Variants in FBXW7 observed in about 807,000 individuals in gnomAD.
The protein encoded by FBXW7 is F-box/WD repeat-containing protein 7.
Under a neutral mutation model 86.3 loss-of-function variants are expected in FBXW7, and 11 were observed. The observed-to-expected ratio is 0.13, with a 90% CI of 0.08 to 0.21. FBXW7 has a LOEUF of 0.21. Among genes scored for constraint, FBXW7 ranks in the 10% least tolerant of loss-of-function variants. FBXW7 has a pLI of 1.00. For synonymous variants in FBXW7, 313 were observed against 297.9 expected (o/e 1.05, Z -0.52); for missense variants, 488 against 847.4 (o/e 0.58, Z 5.27).
intron 4 of FBXW7, among the ~76,000 whole-genome samples, chr4:152,391,699 C>A (rs1301967800): frequency 6.6e-6 from 1 of 152,052 alleles, no homozygotes; most frequent in Admixed American, 6.6e-5. Context: ...AATCACCACG[C>A]CGAAACCCTG....
intron 2 of FBXW7, among the ~76,000 whole-genome samples, chr4:152,468,243 C>A (rs1409390117): frequency 6.6e-6 from 1 of 152,050 alleles, no homozygotes; most frequent in African/African-American, 2.4e-5. Flanking sequence ...AAGAGTTACA[C>A]ACAGGTACTA....
intron 2 of FBXW7, among the ~76,000 whole-genome samples, chr4:152,534,450 T>C (rs1468454324): frequency 1.3e-5 from 2 of 152,162 alleles, no homozygotes; most frequent in Non-Finnish European, 2.9e-5. Context: ...CCTGTACCAA[T>C]AGGTACTGAA....
chr4:152,388,161 GCTCA>G (rs1157106638), intron 4 of FBXW7, among the ~76,000 whole-genome samples: 1 of 151,990 alleles, frequency 6.6e-6, no homozygotes, highest in Non-Finnish European at 1.5e-5. Flanking sequence ...TGCTCAAAGT[GCTCA>G]CTCAGATTAC....
intron 2 of FBXW7, among the ~76,000 whole-genome samples, chr4:152,442,541 T>C (rs1579211234): frequency 6.6e-6 from 1 of 152,376 alleles, no homozygotes; most frequent in East Asian, 1.9e-4. Context: ...AAGTAATTTT[T>C]GGCTTCTCTG....
chr4:152,519,240 G>C (rs1748784764), intron 2 of FBXW7, among the ~76,000 whole-genome samples: 1 of 152,166 alleles, frequency 6.6e-6, no homozygotes, highest in African/African-American at 2.4e-5. Flanking sequence ...AGAGCTTGCA[G>C]TGAGCCAAGA....
intron 4 of FBXW7, among the ~76,000 whole-genome samples, chr4:152,378,926 C>A (rs1403825803): frequency 1.3e-5 from 2 of 152,050 alleles, no homozygotes; most frequent in Non-Finnish European, 2.9e-5. Flanking sequence ...GGATCTCTTG[C>A]ACCCAGGAGA....
intron 2 of FBXW7, among the ~76,000 whole-genome samples, chr4:152,417,215 C>T (rs1417488573): frequency 6.6e-6 from 1 of 152,120 alleles, no homozygotes. Flanking sequence ...CAAAGTCACA[C>T]CAAATTCATT....
intron 6 of FBXW7, among the ~76,000 whole-genome samples, chr4:152,343,533 T>C (rs1730948110): frequency 6.6e-6 from 1 of 152,192 alleles, no homozygotes; most frequent in East Asian, 1.9e-4. Flanking sequence ...GAAATTATTG[T>C]TTTTAAGAGA....
chr4:152,340,680 T>A (rs2859690), intron 6 of FBXW7, among the ~76,000 whole-genome samples: 1 of 152,160 alleles, frequency 6.6e-6, no homozygotes, highest in East Asian at 1.9e-4. Flanking sequence ...TCCTATCGTT[T>A]AAAATCACAT....
At chr4:152,441,188 T>C (rs924449664) in intron 2 of FBXW7, among the ~76,000 whole-genome samples, 2 of 152,208 alleles carry the variant, frequency 1.3e-5, no homozygotes, top group African/African-American at 2.4e-5. Flanking sequence ...GAGAGCTGTG[T>C]ACCTATCAAC....
chr4:152,325,665 T>C (rs929733643), intron 12 of FBXW7: 2 of 226,260 alleles, frequency 8.8e-6, no homozygotes, highest in Non-Finnish European at 1.8e-5. Context: ...CTTTTGGCCA[T>C]ATTAATCTTC....
Position 152,350,095 on chromosome 4 carries a change from C to T in FBXW7, c.531G>A (p.Glu177=), listed in dbSNP as rs1249998058. The change falls in exon 5 of 14, where the codon GAG becomes GAA. Residue 177 remains glutamate, a synonymous_variant. Transcript: ENST00000281708. ...KMKRKLDHGS[E]VRSFSLGKKP... ...TCTTTCCCAAAGAAAAAGAGCGGAC[C>T]TCAGAACCATGGTCCAACTTTCTTT... 2 of 1,564,466 alleles carry T rather than the reference C, an allele frequency of 1.3e-6. No individual in the cohort carries two copies. Among genetic ancestry groups the T allele is most frequent in the Non-Finnish European group, 1.7e-6 (2 of 1,150,522 alleles).
At chr4:152,352,714 C>T (rs758299505) in intron 4 of FBXW7, 5 of 1,613,668 alleles carry the variant, frequency 3.1e-6, no homozygotes, top group African/African-American at 1.3e-5. Flanking sequence ...TATCAAACCG[C>T]TTCTCGGGAC....
chr4:152,394,646 A>T (rs1031112805), intron 4 of FBXW7, among the ~76,000 whole-genome samples: 5 of 152,142 alleles, frequency 3.3e-5, no homozygotes, highest in African/African-American at 4.8e-5. Context: ...CTAGTGAGTT[A>T]GTTATAGCAT....
chr4:152,425,452 T>C (rs1462550480), intron 2 of FBXW7, among the ~76,000 whole-genome samples: 1 of 152,224 alleles, frequency 6.6e-6, no homozygotes, highest in African/African-American at 2.4e-5. Flanking sequence ...CCTTAAATAT[T>C]GTATTTTTAG....
chr4:152,488,663 A>C (rs1030702325), intron 2 of FBXW7, among the ~76,000 whole-genome samples: 16 of 152,060 alleles, frequency 1.1e-4, no homozygotes, highest in African/African-American at 3.4e-4. Flanking sequence ...TAACTTAAAA[A>C]ATATTCGCTC....
At chr4:152,327,417 A>G (rs2126506870) in intron 11 of FBXW7, among the ~76,000 whole-genome samples, 1 of 152,196 alleles carries the variant, frequency 6.6e-6, no homozygotes, top group South Asian at 2.1e-4. Context: ...CCTTTCAGAG[A>G]GACCTTTTTT....
intron 4 of FBXW7, among the ~76,000 whole-genome samples, chr4:152,393,881 T>C (rs1385814771): frequency 6.6e-6 from 1 of 152,112 alleles, no homozygotes; most frequent in African/African-American, 2.4e-5. Flanking sequence ...CAGACCCTTT[T>C]CTGGGGAGGG....
At chr4:152,359,349 C>T (rs1732701923) in intron 4 of FBXW7, among the ~76,000 whole-genome samples, 1 of 152,012 alleles carries the variant, frequency 6.6e-6, no homozygotes, top group Non-Finnish European at 1.5e-5. Context: ...ACCCATAATC[C>T]CAGAGCTTTG....
Sources: allele counts gnomAD v4.1 joint callset (sites outside exome capture counted in the v4.1 genomes callset), GRCh38; gene constraint gnomAD v4.1.1; transcripts MANE v1.5; gene names NCBI Gene and HGNC (gene_info 2026-07-23, HGNC 2026-07-21).